The following ZNF521 variants were observed in gnomAD, a reference collection of about 807,000 sequenced individuals.
The protein encoded by ZNF521 is LYST-interacting protein 3.
Under a neutral mutation model 105.5 loss-of-function variants are expected in ZNF521, and 14 were observed. That is an observed-to-expected ratio of 0.13 (90% CI 0.09 to 0.21). The LOEUF (loss-of-function observed/expected upper bound fraction) is 0.21, where lower values mean the gene tolerates loss of function less well. Ranked by LOEUF, ZNF521 falls within the 10% of genes least tolerant of loss-of-function variation. The pLI is 1.00. For missense variants in ZNF521, 1,233 were observed against 1,629.7 expected (o/e 0.76, Z 4.19); for synonymous variants, 635 against 606.0 (o/e 1.05, Z -0.70).
chr18:25,221,166 T>G (rs1905698702), intron 4 of ZNF521, among the ~76,000 whole-genome samples: 1 of 152,198 alleles, frequency 6.6e-6, no homozygotes. Context: ...AGAAAACATT[T>G]TTCACAAATT....
At chr18:25,339,828 G>A (rs1465491151) in intron 2 of ZNF521, among the ~76,000 whole-genome samples, 1 of 152,054 alleles carries the variant, frequency 6.6e-6, no homozygotes, top group Non-Finnish European at 1.5e-5. Context: ...AAGTTAGGTG[G>A]GTCGGAAAAA....
chr18:25,213,517 T>G (rs762239577), intron 4 of ZNF521, among the ~76,000 whole-genome samples: 2 of 152,058 alleles, frequency 1.3e-5, no homozygotes, highest in Non-Finnish European at 2.9e-5. Flanking sequence ...TAATGTATTC[T>G]CTTTTTTATA....
intron 4 of ZNF521, among the ~76,000 whole-genome samples, chr18:25,217,349 C>T (rs1344965946): frequency 6.6e-6 from 1 of 151,992 alleles, no homozygotes; most frequent in Non-Finnish European, 1.5e-5. Flanking sequence ...TTTGAAGATA[C>T]TTATTGGAGG....
chr18:25,082,394 C>T (rs981047072), intron 7 of ZNF521, among the ~76,000 whole-genome samples: 2 of 152,136 alleles, frequency 1.3e-5, no homozygotes, highest in Admixed American at 6.5e-5. Context: ...TGGCTTTCCT[C>T]CAAACTGATC....
chr18:25,158,872 C>T (rs2035197408), intron 5 of ZNF521, among the ~76,000 whole-genome samples: 1 of 151,814 alleles, frequency 6.6e-6, no homozygotes, highest in Non-Finnish European at 1.5e-5. Context: ...AGGAGAATCA[C>T]TTGAACCCAG....
intron 4 of ZNF521, among the ~76,000 whole-genome samples, chr18:25,208,589 C>T (rs1337076754): frequency 1.3e-5 from 2 of 149,522 alleles, no homozygotes; most frequent in East Asian, 4.1e-4. Context: ...TTTTTCTGTT[C>T]CTCCTCTTAC....
chr18:25,204,236 C>T (rs545760158), intron 4 of ZNF521, among the ~76,000 whole-genome samples: 1 of 152,252 alleles, frequency 6.6e-6, no homozygotes, highest in African/African-American at 2.4e-5. Flanking sequence ...AAACCCTAAA[C>T]TCCATGAAGA....
At chr18:25,117,074 C>CAT (rs2034340468) in intron 5 of ZNF521, among the ~76,000 whole-genome samples, 1 of 16,850 alleles carries the variant, frequency 5.9e-5, no homozygotes. Context: ...CACACACACA[C>CAT]ACACACACAT....
chr18:25,165,852 G>A (rs2035330609), intron 5 of ZNF521, among the ~76,000 whole-genome samples: 1 of 152,170 alleles, frequency 6.6e-6, no homozygotes, highest in African/African-American at 2.4e-5. Context: ...GAGTTGCACT[G>A]ATTCTAGCAC....
intron 5 of ZNF521, among the ~76,000 whole-genome samples, chr18:25,132,946 A>C (rs1281805562): frequency 6.6e-6 from 1 of 152,190 alleles, no homozygotes; most frequent in Non-Finnish European, 1.5e-5. Flanking sequence ...CTGAGAGTGG[A>C]ACCTATTCAA....
chr18:25,270,478 G>T (rs1416687727), intron 3 of ZNF521, among the ~76,000 whole-genome samples: 4 of 152,096 alleles, frequency 2.6e-5, no homozygotes, highest in Admixed American at 6.5e-5. Flanking sequence ...AACAAAAAAA[G>T]AAAATTTCAG....
intron 3 of ZNF521, among the ~76,000 whole-genome samples, chr18:25,259,275 T>C (rs138058149): frequency 2.6e-5 from 4 of 152,356 alleles, no homozygotes; most frequent in African/African-American, 9.6e-5. Context: ...TTATTTTAAA[T>C]TGGCCCATTC....
chr18:25,140,072 A>C (rs2034817582), intron 5 of ZNF521, among the ~76,000 whole-genome samples: 1 of 152,132 alleles, frequency 6.6e-6, no homozygotes, highest in Admixed American at 6.6e-5. Flanking sequence ...ATAAGCCCCT[A>C]GTTTATGGTA....
intron 3 of ZNF521, among the ~76,000 whole-genome samples, chr18:25,288,044 C>T (rs1258283310): frequency 1.3e-5 from 2 of 152,068 alleles, no homozygotes; most frequent in South Asian, 2.1e-4. Context: ...AATGCCCCCC[C>T]AATAGTTTCA....
chr18:25,301,857 A>C (rs1334630721), intron 3 of ZNF521: 1 of 152,224 alleles, frequency 6.6e-6, no homozygotes, highest in African/African-American at 2.4e-5. Flanking sequence ...AGACAAGGGT[A>C]CCAACCCCCT....
Position 25,224,787 on chromosome 18 carries a change from T to C in ZNF521, c.3131A>G (p.Gln1044Arg). The C allele has an allele frequency of 6.2e-7, 1 of 1,614,080 alleles. No homozygotes were observed. The highest frequency in any genetic ancestry group is 8.5e-7 in the Non-Finnish European group (1 of 1,180,008). ...ELKIHGTFHM[Q>R]KTGNGSAVQT... ...AACTGCAGACCCATTCCCTGTCTTT[T>C]GCATGTGGAACGTCCCATGGATTTT... is the stretch of plus-strand genomic sequence containing the variant. The change falls in exon 4 of 8, where the codon CAA (glutamine) becomes CGA (arginine). Residue 1044 changes from glutamine to arginine, a missense_variant. Around this residue, in one of 6 missense-constraint regions of ZNF521, gnomAD observed 614 missense variants for 751.5 expected, o/e 0.82. Coordinates refer to ENST00000361524, the MANE Select transcript of ZNF521 (RefSeq NM_015461.3).
chr18:25,064,989 G>A (rs369868467), intron 7 of ZNF521, among the ~76,000 whole-genome samples: 233 of 152,160 alleles, frequency 1.5e-3, no homozygotes, highest in Non-Finnish European at 1.6e-3. Context: ...ACTTGTCACC[G>A]ATATGTAGAC....
intron 5 of ZNF521, among the ~76,000 whole-genome samples, chr18:25,143,094 C>T (rs968602832): frequency 1.6e-4 from 25 of 152,250 alleles, no homozygotes; most frequent in African/African-American, 5.5e-4. Flanking sequence ...TCTGATGCTC[C>T]GCAAAACTTT....
At chr18:25,163,423 T>G (rs557667595) in intron 5 of ZNF521, among the ~76,000 whole-genome samples, 2 of 152,330 alleles carry the variant, frequency 1.3e-5, no homozygotes, top group South Asian at 4.1e-4. Context: ...TGGCCTGGTT[T>G]ATATCAAGCC....
Sources: gnomAD v4.1 joint callset for allele counts (sites outside exome capture counted in the v4.1 genomes callset) on GRCh38, gnomAD v4.1.1 for gene constraint, gnomAD v4.1.1 regional missense constraint, MANE v1.5 for transcripts, NCBI Gene and HGNC (gene_info 2026-07-23, HGNC 2026-07-21) for gene names.